Variants in TRIM49B observed in about 807,000 individuals in gnomAD.
TRIM49B encodes the protein tripartite motif containing 49B.
TRIM49B carries 18 observed loss-of-function variants against 31.8 expected under a neutral mutation model. The observed-to-expected ratio is 0.57, with a 90% confidence interval of 0.39 to 0.84. The LOEUF (loss-of-function observed/expected upper bound fraction) is 0.84, where lower values mean the gene tolerates loss of function less well. Among genes scored for constraint, TRIM49B ranks in the 40% least tolerant of loss-of-function variants. The pLI is 0.00. For synonymous variants in TRIM49B, 196 were observed against 180.6 expected (o/e 1.09, Z -0.68); for missense variants, 494 against 538.7 (o/e 0.92, Z 0.82).
chr11:49,037,739 A>G lies in TRIM49B; in HGVS notation c.1121A>G (p.Glu374Gly). The G allele has an allele frequency of 2.5e-6, 4 of 1,613,924 alleles. No homozygotes were observed. Among genetic ancestry groups the G allele is most frequent in the Non-Finnish European group, 3.4e-6 (4 of 1,179,858 alleles). The change falls in exon 7 of 7, where the codon GAG (glutamate) becomes GGG (glycine). Residue 374 changes from glutamate (E) to glycine (G), a missense_variant. Physicochemically the swap from Glu to Gly is moderately conservative, Grantham distance 98 (BLOSUM62 -2). Around this residue, in one of 3 missense-constraint regions of TRIM49B, gnomAD observed 233 missense variants for 281.4 expected, o/e 0.83. Coordinates refer to ENST00000332682, the MANE Select transcript of TRIM49B (RefSeq NM_001206626.2). ...EKNQNEKIDGEDGLFLLGCVK... is the reference protein window; with the variant it reads ...EKNQNEKIDGGDGLFLLGCVK... ...AATCAGAATGAGAAGATAGATGGAG[A>G]GGATGGACTCTTTCTTCTTGGGTGT...
chr11:49,029,920 C>T (rs1222755265), intron 1 of TRIM49B, among the ~76,000 whole-genome samples: 1 of 152,092 alleles, frequency 6.6e-6, no homozygotes, highest in African/African-American at 2.4e-5. Flanking sequence ...GTATGCAGTA[C>T]AGAACATACT....
chr11:49,032,116 G>T (rs112252704), intron 2 of TRIM49B, 106 bp downstream of exon 2: 2 of 1,593,946 alleles, frequency 1.3e-6, no homozygotes, highest in African/African-American at 2.7e-5. Context: ...CCTTTAAGCA[G>T]CTCTGTTTGG....
At chr11:49,035,438 C>T (rs28505760) in intron 5 of TRIM49B, among the ~76,000 whole-genome samples, 15 of 145,218 alleles carry the variant, frequency 1.0e-4, no homozygotes, top group Non-Finnish European at 2.2e-4. Flanking sequence ...CGGCTCACTG[C>T]AAGCTCCGCC....
At chr11:49,032,186 C>T in intron 2 of TRIM49B, 90 bp from the exon 3 acceptor site, 2 of 1,609,336 alleles carry the variant, frequency 1.2e-6, no homozygotes, top group Non-Finnish European at 1.7e-6. Context: ...AAGGAAATGC[C>T]ATTTACTAGG....
At chr11:49,029,718 A>G (rs1480380155) in intron 1 of TRIM49B, among the ~76,000 whole-genome samples, 1 of 152,228 alleles carries the variant, frequency 6.6e-6, no homozygotes, top group Admixed American at 6.5e-5. Context: ...TATATTAGTC[A>G]GAGTTCTCCA....
chr11:49,030,298 C>T (rs2134694779), intron 1 of TRIM49B, among the ~76,000 whole-genome samples: 1 of 152,250 alleles, frequency 6.6e-6, no homozygotes, highest in Non-Finnish European at 1.5e-5. Flanking sequence ...GATCACGCCA[C>T]TGCATTTCAG....
rs778084695 is a variant in TRIM49B, at chr11:49,037,604, T to C, written c.986T>C (p.Leu329Pro). The C allele has an allele frequency of 9.9e-6, 16 of 1,613,976 alleles. No homozygotes were observed. The highest frequency in any genetic ancestry group is 1.4e-5 in the Non-Finnish European group (16 of 1,179,978). Reference sequence around the variant, plus strand: ...TTCACTGCAACACCTAGAAGTTTTCTTGCATGGGGTGCTCAGACTTTCACC... The same window carrying C: ...TTCACTGCAACACCTAGAAGTTTTCCTGCATGGGGTGCTCAGACTTTCACC... Reference protein sequence around the residue: ...PYFTATPRSFLAWGAQTFTSG... With the variant: ...PYFTATPRSFPAWGAQTFTSG... Residue 329 changes from leucine (L) to proline (P), a missense_variant, in exon 7 of 7, where the codon CTT (leucine) becomes CCT (proline). This residue lies in a region of TRIM49B where 233 missense variants were observed against 281.4 expected (regional missense o/e 0.83). Transcript: ENST00000332682.
rs750148148 is a variant in TRIM49B, at chr11:49,031,950, C to G, written c.351C>G (p.Ser117Arg). ...GCCTGCTCTGTTTGCTGTGCTCCAG[C>G]TCTCAGGAGCACCGGGATCACAGAC... ...DRSLLCLLCS[S>R]SQEHRDHRHC... is the part of the protein sequence containing the mutation. The change falls in exon 2 of 7, where the codon AGC becomes AGG. Residue 117 changes from serine (S) to arginine (R), a missense_variant. Physicochemically the swap from Ser to Arg is moderately radical, Grantham distance 110. Coordinates refer to ENST00000332682, the MANE Select transcript of TRIM49B (RefSeq NM_001206626.2). The G allele has an allele frequency of 1.2e-6, 2 of 1,612,042 alleles. No individual in the cohort carries two copies. Among genetic ancestry groups the G allele is most frequent in the East Asian group, 4.5e-5 (2 of 44,872 alleles).
intron 1 of TRIM49B, among the ~76,000 whole-genome samples, chr11:49,031,219 T>G (rs1854441073): frequency 6.6e-6 from 1 of 152,236 alleles, no homozygotes; most frequent in South Asian, 2.1e-4. Context: ...AGGTAGTTTT[T>G]TCCCACTCTT....
At chr11:49,035,217 T>A in intron 5 of TRIM49B, 100 bp downstream of exon 5, 10 of 1,570,322 alleles carry the variant, frequency 6.4e-6, no homozygotes, top group Non-Finnish European at 8.6e-6. Context: ...GCATAAATAA[T>A]TAAGATATTG....
chr11:49,034,177 G>C lies in TRIM49B; in HGVS notation c.539G>C (p.Arg180Thr). The stretch of plus-strand genomic sequence containing the variant: ...GTGAATTTAAGGCTAGAAGCAATTA[G>C]AGCTGAGTATCAGAAGATGCCTGCA... Reference protein sequence around the residue: ...DYVNLRLEAIRAEYQKMPAFH... With the variant: ...DYVNLRLEAITAEYQKMPAFH... Residue 180 changes from arginine to threonine, a missense_variant, in exon 4 of 7, where the codon AGA becomes ACA. Arg to Thr is a moderately conservative substitution (Grantham distance 71, BLOSUM62 -1). Transcript: ENST00000332682. 6.2e-7 allele frequency: 1 copy of C among 1,611,926 alleles called. No individual in the cohort carries two copies. The highest frequency in any genetic ancestry group is 8.5e-7 in the Non-Finnish European group (1 of 1,179,812).
chr11:49,037,861 T>A lies in TRIM49B; in HGVS notation c.1243T>A (p.Cys415Ser). ...PTSRVGLFLDCEAKTVSFVDV... is the reference protein window; with the variant it reads ...PTSRVGLFLDSEAKTVSFVDV... Reference sequence around the variant, plus strand: ...CAGCCGAGTAGGATTATTCCTGGATTGTGAGGCTAAGACTGTGAGCTTTGT... The same window carrying A: ...CAGCCGAGTAGGATTATTCCTGGATAGTGAGGCTAAGACTGTGAGCTTTGT... The change falls in exon 7 of 7, where the codon TGT (cysteine) becomes AGT (serine). Residue 415 changes from cysteine to serine, a missense_variant. Cys to Ser is a moderately radical substitution (Grantham distance 112, BLOSUM62 -1). Coordinates refer to ENST00000332682, the MANE Select transcript of TRIM49B (RefSeq NM_001206626.2). 1 of 1,613,946 alleles carries A rather than the reference T, an allele frequency of 6.2e-7. No homozygotes were observed. The highest frequency in any genetic ancestry group is 8.5e-7 in the Non-Finnish European group (1 of 1,179,854).
At chr11:49,030,030 T>C (rs1854425694) in intron 1 of TRIM49B, among the ~76,000 whole-genome samples, 1 of 152,152 alleles carries the variant, frequency 6.6e-6, no homozygotes, top group South Asian at 2.1e-4. Context: ...TATTCTATCA[T>C]ATTAAAACAA....
At chr11:49,032,090 A>T (rs940875075) in intron 2 of TRIM49B, 80 bp downstream of exon 2, 2 of 1,609,036 alleles carry the variant, frequency 1.2e-6, no homozygotes, top group African/African-American at 1.3e-5. Context: ...AGATTGGATA[A>T]AACAAACTCT....
At chr11:49,032,245 A>T (rs1328311625) in intron 2 of TRIM49B, 31 bp from the exon 3 acceptor site, 2 of 1,612,588 alleles carry the variant, frequency 1.2e-6, no homozygotes, top group Admixed American at 3.3e-5. Context: ...CATGGTCTGC[A>T]CTGGTGCTTC....
chr11:49,038,055 C>T lies in TRIM49B; in HGVS notation c.*78C>T. The T allele has an allele frequency of 1.9e-6, 3 of 1,565,624 alleles. No individual in the cohort carries two copies. Among genetic ancestry groups the T allele is most frequent in the Non-Finnish European group, 1.7e-6 (2 of 1,162,248 alleles). ...GGAAGTCCTCTTCCTTGTGCCTTAA[C>T]ATACAGGACAAATAGGCTCTATTTT... On this transcript the variant is annotated 3_prime_UTR_variant, in exon 7 of 7. Coordinates refer to ENST00000332682, the MANE Select transcript of TRIM49B (RefSeq NM_001206626.2).
rs766801634 is a variant in TRIM49B at position 49,037,959 on chromosome 11, T to C, written c.1341T>C (p.Phe447=). 1 of 1,611,594 alleles carries C rather than the reference T, an allele frequency of 6.2e-7. No individual in the cohort carries two copies. Among genetic ancestry groups the C allele is most frequent in the Non-Finnish European group, 8.5e-7 (1 of 1,179,098 alleles). ...CSFSPPLRPI[F]CCIHF ...TCTCACCTCCTCTCAGGCCTATCTT[T>C]TGCTGTATTCACTTCTGACCAGAGA... Residue 447 remains phenylalanine (F), a synonymous_variant, in exon 7 of 7, where the codon TTT becomes TTC. Coordinates refer to ENST00000332682, the MANE Select transcript of TRIM49B (RefSeq NM_001206626.2).
intron 6 of TRIM49B, 109 bp downstream of exon 6, chr11:49,036,507 T>TA (rs1854532727): frequency 1.5e-6 from 1 of 682,758 alleles, no homozygotes; most frequent in Admixed American, 3.0e-5. Flanking sequence ...TTTTAAGACA[T>TA]AAGTGAACAA....
chr11:49,031,059 C>T (rs1189054038), intron 1 of TRIM49B, among the ~76,000 whole-genome samples: 1 of 150,194 alleles, frequency 6.7e-6, no homozygotes, highest in Non-Finnish European at 1.5e-5. Context: ...ATTTTAAGTC[C>T]TGGGATAACT....
Sources: allele counts gnomAD v4.1 joint callset (sites outside exome capture counted in the v4.1 genomes callset), GRCh38; gene constraint gnomAD v4.1.1; regional missense constraint gnomAD v4.1.1; transcripts MANE v1.5; gene names NCBI Gene and HGNC (gene_info 2026-07-23, HGNC 2026-07-21).